CCSER1: variants seen among roughly 807,000 people sequenced by gnomAD.
CCSER1 encodes serine-rich coiled-coil domain-containing protein 1.
CCSER1 carries 41 observed loss-of-function variants against 82.0 expected under a neutral mutation model. The ratio of observed to expected loss-of-function variants is 0.50; its 90% confidence interval spans 0.39 to 0.65. CCSER1 has a LOEUF of 0.65. Among genes scored for constraint, CCSER1 ranks in the 30% least tolerant of loss-of-function variants. The probability of loss-of-function intolerance (pLI) is 0.00; values close to 1 mark genes in which losing one functional copy is unlikely to be tolerated. For missense variants in CCSER1, 1,119 were observed against 1,064.2 expected (o/e 1.05, Z -0.72); for synonymous variants, 414 against 383.9 (o/e 1.08, Z -0.92).
chr4:90,393,123 T>C (rs1578247307), intron 3 of CCSER1, among the ~76,000 whole-genome samples: 1 of 152,198 alleles, frequency 6.6e-6, no homozygotes, highest in East Asian at 1.9e-4. Flanking sequence ...CTTGTACATC[T>C]CTCATTTTTT....
At chr4:91,397,666 C>T (rs957048183) in intron 10 of CCSER1, among the ~76,000 whole-genome samples, 1 of 151,778 alleles carries the variant, frequency 6.6e-6, no homozygotes, top group African/African-American at 2.4e-5. Flanking sequence ...GCAAACTCTC[C>T]CTGGGTATTG....
intron 5 of CCSER1, among the ~76,000 whole-genome samples, chr4:90,607,309 G>C (rs1378684530): frequency 6.6e-6 from 1 of 152,030 alleles, no homozygotes; most frequent in Non-Finnish European, 1.5e-5. Flanking sequence ...TCTCATTCCT[G>C]AACACACTAA....
chr4:90,282,256 T>C (rs1304104345), intron 1 of CCSER1, among the ~76,000 whole-genome samples: 1 of 151,980 alleles, frequency 6.6e-6, no homozygotes, highest in Non-Finnish European at 1.5e-5. Flanking sequence ...CATTTTTAAC[T>C]GCACTTGGTT....
chr4:91,434,886 G>C, intron 10 of CCSER1, among the ~76,000 whole-genome samples: 1 of 152,152 alleles, frequency 6.6e-6, no homozygotes, highest in East Asian at 1.9e-4. Context: ...ACATCAGATA[G>C]TTTTATGAGT....
intron 9 of CCSER1, among the ~76,000 whole-genome samples, chr4:90,950,883 T>TAGG (rs1732837014): frequency 6.6e-6 from 1 of 152,128 alleles, no homozygotes. Context: ...TATGTTACAT[T>TAGG]TCTAAGTTTC....
chr4:90,343,948 A>T (rs1212260199), intron 3 of CCSER1, among the ~76,000 whole-genome samples: 1 of 151,984 alleles, frequency 6.6e-6, no homozygotes, highest in African/African-American at 2.4e-5. Flanking sequence ...GACTATAATA[A>T]CTCTGTTGCG....
intron 8 of CCSER1, among the ~76,000 whole-genome samples, chr4:90,853,599 A>T (rs1474412574): frequency 6.7e-6 from 1 of 148,426 alleles, no homozygotes; most frequent in Non-Finnish European, 1.5e-5. Flanking sequence ...CATTTAAACT[A>T]TGTAAGCCAA....
At chr4:90,907,164 G>A (rs1408982114) in intron 8 of CCSER1, among the ~76,000 whole-genome samples, 1 of 152,084 alleles carries the variant, frequency 6.6e-6, no homozygotes, top group Non-Finnish European at 1.5e-5. Flanking sequence ...CTTATGCCTA[G>A]ACAAGTTGAA....
chr4:90,553,671 A>AT (rs1777786249), intron 5 of CCSER1, among the ~76,000 whole-genome samples: 1 of 152,174 alleles, frequency 6.6e-6, no homozygotes, highest in East Asian at 1.9e-4. Context: ...ATTGGTTATA[A>AT]ATAATCTTAT....
intron 1 of CCSER1, among the ~76,000 whole-genome samples, chr4:90,166,718 G>C (rs1329522542): frequency 6.6e-6 from 1 of 151,854 alleles, no homozygotes; most frequent in Admixed American, 6.6e-5. Context: ...AATTGTATTA[G>C]AATAGTCAAA....
At position 91,597,379 on chromosome 4, in the gene CCSER1, G is replaced by A. The variant is rs150888677; in HGVS notation, c.2218-1193G>A. Among the ~76,000 whole-genome samples the A allele has an allele frequency of 5.3e-5, 8 of 152,198 alleles. No homozygotes were observed. The East Asian group carries it at 1.4e-3, about 26-fold the overall frequency. The stretch of plus-strand genomic sequence containing the variant: ...AATGGTTAATATGTGCCAGGCAATT[G>A]TGTCAGGAAGAAAGAGTAGAAATGA... On this transcript the variant is annotated intron_variant, in intron 10 of 10. Transcript: ENST00000509176.
At chr4:90,320,777 A>G (rs1033795405) in intron 3 of CCSER1, among the ~76,000 whole-genome samples, 13 of 152,118 alleles carry the variant, frequency 8.5e-5, no homozygotes, top group Non-Finnish European at 1.9e-4. Flanking sequence ...ATTTTCATTT[A>G]GAAGCTGTCA....
chr4:91,547,684 T>C (rs971649925), intron 10 of CCSER1, among the ~76,000 whole-genome samples: 9 of 152,230 alleles, frequency 5.9e-5, no homozygotes, highest in African/African-American at 2.2e-4. Flanking sequence ...AATTGATGAA[T>C]GGTACAGTCA....
At chr4:91,272,747 G>C (rs1742132533) in intron 10 of CCSER1, among the ~76,000 whole-genome samples, 1 of 152,252 alleles carries the variant, frequency 6.6e-6, no homozygotes, top group South Asian at 2.1e-4. Flanking sequence ...TTAAGTCCTT[G>C]ATTCATCTTG....
intron 8 of CCSER1, among the ~76,000 whole-genome samples, chr4:90,841,813 G>A (rs941020881): frequency 1.3e-5 from 2 of 152,072 alleles, no homozygotes; most frequent in African/African-American, 4.8e-5. Flanking sequence ...CTCTGGAAGT[G>A]TGTCTGACTC....
At chr4:90,788,726 G>A (rs1256832918) in intron 7 of CCSER1, among the ~76,000 whole-genome samples, 1 of 152,204 alleles carries the variant, frequency 6.6e-6, no homozygotes, top group Non-Finnish European at 1.5e-5. Context: ...GAATTGGACA[G>A]GGGGCCGGGG....
intron 6 of CCSER1, among the ~76,000 whole-genome samples, chr4:90,700,358 T>C (rs1327301840): frequency 2.0e-5 from 3 of 152,220 alleles, no homozygotes; most frequent in Non-Finnish European, 4.4e-5. Context: ...ATGGTATATA[T>C]GTGCCACATT....
At chr4:90,538,855 C>T (rs946633324) in intron 5 of CCSER1, among the ~76,000 whole-genome samples, 3 of 151,946 alleles carry the variant, frequency 2.0e-5, no homozygotes, top group Non-Finnish European at 4.4e-5. Context: ...TGAACTGAAT[C>T]ATTCAAGTAT....
chr4:90,961,601 T>C (rs1255419756), intron 9 of CCSER1, among the ~76,000 whole-genome samples: 1 of 152,110 alleles, frequency 6.6e-6, no homozygotes, highest in Non-Finnish European at 1.5e-5. Flanking sequence ...AAGAATGGAT[T>C]AGAGATCAGT....
Sources: gnomAD v4.1 joint callset for allele counts (sites outside exome capture counted in the v4.1 genomes callset) on GRCh38, gnomAD v4.1.1 for gene constraint, MANE v1.5 for transcripts, NCBI Gene and HGNC (gene_info 2026-07-23, HGNC 2026-07-21) for gene names.